The following RELL1 variants were observed in gnomAD, a reference collection of about 807,000 sequenced individuals.
RELL1 encodes the protein RELT-like protein 1.
A neutral mutation model predicts 23.0 loss-of-function variants in RELL1; 10 were observed. The observed-to-expected ratio is 0.43, with a 90% CI of 0.27 to 0.74. The LOEUF (loss-of-function observed/expected upper bound fraction) is 0.74, where lower values mean the gene tolerates loss of function less well. Ranked by LOEUF, RELL1 falls within the 30% of genes least tolerant of loss-of-function variation. RELL1 has a pLI of 0.19. For synonymous variants in RELL1, 146 were observed against 146.8 expected, an observed-to-expected ratio of 0.99 and a Z score of 0.04; for missense variants, 315 against 364.4, an observed-to-expected ratio of 0.86 and a Z score of 1.10.
chr4:37,660,669 C>T (rs73807899), intron 1 of RELL1, among the ~76,000 whole-genome samples: 4,967 of 152,204 alleles, frequency 0.033, 126 homozygotes, highest in African/African-American at 0.065. Context: ...CAAGGGTTTC[C>T]GACTGTCACA....
At chr4:37,604,824 C>CACACACACACACACACAG (rs1560323681) in intron 6 of RELL1, among the ~76,000 whole-genome samples, 1 of 98,844 alleles carries the variant, frequency 1.0e-5, no homozygotes, top group African/African-American at 4.5e-5. Context: ...CACACACAGA[C>CACACACACACACACACAG]ACACACATAC....
At chr4:37,662,850 A>G (rs1337634860) in intron 1 of RELL1, among the ~76,000 whole-genome samples, 1 of 151,570 alleles carries the variant, frequency 6.6e-6, no homozygotes, top group Non-Finnish European at 1.5e-5. Context: ...GTGTCTTGAG[A>G]GGCCAAGGAC....
At chr4:37,604,838 CAGACACACACACAG>C (rs1719126126) in intron 6 of RELL1, among the ~76,000 whole-genome samples, 1 of 76,238 alleles carries the variant, frequency 1.3e-5, no homozygotes, top group Non-Finnish European at 2.6e-5. Context: ...CACATACACA[CAGACACACACACAG>C]ACACACACAC....
At chr4:37,655,242 A>AAT (rs34057942) in intron 1 of RELL1, among the ~76,000 whole-genome samples, 2,508 of 150,100 alleles carry the variant, frequency 0.017, 29 homozygotes, top group Non-Finnish European at 0.027. Context: ...TGTGATGGGA[A>AAT]ATATATATAT....
At chr4:37,642,340 G>A (rs1263550076) in intron 3 of RELL1, among the ~76,000 whole-genome samples, 1 of 152,234 alleles carries the variant, frequency 6.6e-6, no homozygotes, top group South Asian at 2.1e-4. Flanking sequence ...CCAGTTCAAG[G>A]GCCTAGCAGA....
chr4:37,638,386 G>A (rs150563706), intron 4 of RELL1, 61 bp downstream of exon 4: 12 of 1,299,308 alleles, frequency 9.2e-6, no homozygotes, highest in African/African-American at 5.9e-5. Context: ...TTCAGATGGC[G>A]CCATATCTGA....
chr4:37,587,175 G>C (rs184822056), downstream of RELL1, among the ~76,000 whole-genome samples: 7 of 152,126 alleles, frequency 4.6e-5, no homozygotes, highest in East Asian at 1.4e-3. Flanking sequence ...TTCCTCTTCT[G>C]TCTATAATCA....
intron 1 of RELL1, among the ~76,000 whole-genome samples, chr4:37,679,751 TC>T (rs372509488): frequency 1.3e-4 from 19 of 152,000 alleles, no homozygotes; most frequent in African/African-American, 4.4e-4. Flanking sequence ...GGTCAAGAGT[TC>T]CAGATCAGCC....
chr4:37,658,132 G>A (rs1205397054), intron 1 of RELL1, among the ~76,000 whole-genome samples: 2 of 152,140 alleles, frequency 1.3e-5, no homozygotes, highest in East Asian at 3.9e-4. Flanking sequence ...TCAGCAGACA[G>A]GAGGCTTAGC....
rs149221517 is a variant in RELL1 at position 37,665,819 on chromosome 4, T to A, written c.89-16319A>T. ...TGCAGGAAACCAGTCCTTGGGGAGC[T>A]AGATCCCTGGTTTCTGGGCACAACT... On this transcript the variant is annotated intron_variant, in intron 1 of 6. Coordinates refer to ENST00000454158, the MANE Select transcript of RELL1 (RefSeq NM_001085400.2). 5.9e-5 allele frequency among the ~76,000 whole-genome samples: 9 copies of A among 152,280 alleles called. No homozygotes were observed. The East Asian group carries it at 1.7e-3, about 29-fold the overall frequency.
downstream of RELL1, among the ~76,000 whole-genome samples, chr4:37,589,413 A>G (rs1718481666): frequency 6.6e-6 from 1 of 152,184 alleles, no homozygotes; most frequent in South Asian, 2.1e-4. Context: ...TTCAAAAACT[A>G]TGTATTGTAA....
intron 6 of RELL1, among the ~76,000 whole-genome samples, chr4:37,596,317 C>G (rs1479356143): frequency 6.6e-6 from 1 of 152,110 alleles, no homozygotes; most frequent in East Asian, 1.9e-4. Context: ...GTTTAAAAGG[C>G]AGATTTCTGG....
intron 3 of RELL1, among the ~76,000 whole-genome samples, chr4:37,646,921 C>T (rs1720728126): frequency 6.6e-6 from 1 of 152,014 alleles, no homozygotes; most frequent in African/African-American, 2.4e-5. Context: ...GATGGGGTCT[C>T]ACTATTTTGC....
At chr4:37,669,048 G>A (rs1721663860) in intron 1 of RELL1, among the ~76,000 whole-genome samples, 1 of 134,308 alleles carries the variant, frequency 7.4e-6, no homozygotes, top group African/African-American at 3.3e-5. Flanking sequence ...CCGTCCGGGA[G>A]GGAGGTGGGG....
Position 37,635,062 on chromosome 4 carries a change from C to A in RELL1, c.505G>T (p.Gly169Trp). ...CCACAGACGTGCTTCCCTGGCGTCCCCCCTGGTGACAAAGGCCCAGGACTC... is the reference window on the plus strand; with the variant it reads ...CCACAGACGTGCTTCCCTGGCGTCCACCCTGGTGACAAAGGCCCAGGACTC... Reference protein sequence around the residue: ...PVSPGPLSPGGTPGKHVCGHH... With the variant: ...PVSPGPLSPGWTPGKHVCGHH... The change falls in exon 5 of 7, where the codon GGG (glycine) becomes TGG (tryptophan). Residue 169 changes from glycine to tryptophan, a missense_variant. Transcript: ENST00000454158. The A allele has an allele frequency of 6.2e-7, 1 of 1,614,236 alleles. No individual in the cohort carries two copies. Among genetic ancestry groups the A allele is most frequent in the Non-Finnish European group, 8.5e-7 (1 of 1,180,044 alleles).
intron 1 of RELL1, among the ~76,000 whole-genome samples, chr4:37,668,686 G>T (rs1721635433): frequency 6.6e-6 from 1 of 151,278 alleles, no homozygotes; most frequent in Admixed American, 6.6e-5. Flanking sequence ...CATCGTCTGG[G>T]ATGTGAGGAG....
In RELL1 at chr4:37,605,209, C is replaced by T. The variant is rs112793583; in HGVS notation, c.*4-13992G>A. Among the ~76,000 whole-genome samples, 146 of 152,044 alleles carry T rather than the reference C, an allele frequency of 9.6e-4. 1 individual carries two copies. The highest frequency in any genetic ancestry group is 3.3e-3 in the African/African-American group (138 of 41,488). ...CATGCTTTTGTTTTACAGATAGATA[C>T]AAAAAATACATAAAGATGTGTGTAT... On this transcript the variant is annotated intron_variant, in intron 6 of 6. Transcript: ENST00000314117.
chr4:37,647,559 G>A, intron 2 of RELL1, 120 bp from the exon 3 acceptor site: 3 of 647,498 alleles, frequency 4.6e-6, no homozygotes, highest in Non-Finnish European at 8.4e-6. Context: ...ATCACCCATG[G>A]TGCTACAATT....
Position 37,649,073 on chromosome 4 carries a change from G to A in RELL1, c.313+203C>T, listed in dbSNP as rs536391562. On this transcript the variant is annotated intron_variant, in intron 2 of 6. Coordinates refer to ENST00000454158, the MANE Select transcript of RELL1 (RefSeq NM_001085400.2). ...GTCTAAGGCCACAGGGCAAGAAAGG[G>A]TGCCCTATCTGGCAGGTATTCAGTA... is the stretch of plus-strand genomic sequence containing the variant. Among the ~76,000 whole-genome samples, 4 of 152,324 alleles carry A rather than the reference G, an allele frequency of 2.6e-5. No individual in the cohort carries two copies. In the South Asian group the frequency reaches 8.3e-4, roughly 32 times the overall value.
Sources: gnomAD v4.1 joint callset for allele counts (sites outside exome capture counted in the v4.1 genomes callset) on GRCh38, gnomAD v4.1.1 for gene constraint, MANE v1.5 for transcripts, NCBI Gene and HGNC (gene_info 2026-07-23, HGNC 2026-07-21) for gene names.